The following AGAP1 variants were observed in gnomAD, a reference collection of about 807,000 sequenced individuals.
The protein encoded by AGAP1 is arf-GAP with GTPase, ANK repeat and PH domain-containing protein 1.
AGAP1 carries 29 observed loss-of-function variants against 105.3 expected under a neutral mutation model. The ratio of observed to expected loss-of-function variants is 0.28; its 90% CI spans 0.21 to 0.38. AGAP1 has a LOEUF of 0.38. AGAP1 is among the 10% of genes least tolerant of loss of function. The pLI is 1.00. For missense variants in AGAP1, 998 were observed against 1,165.1 expected, an observed-to-expected ratio of 0.86 and a Z score of 2.09; for synonymous variants, 509 against 485.9, an observed-to-expected ratio of 1.05 and a Z score of -0.63.
Position 236,051,982 on chromosome 2 carries a change from C to T in AGAP1, c.2114+2701C>T, listed in dbSNP as rs900213088. Among the ~76,000 whole-genome samples the T allele has an allele frequency of 1.3e-5, 2 of 152,144 alleles. No homozygotes were observed. Among genetic ancestry groups the T allele is most frequent in the Admixed American group, 6.5e-5 (1 of 15,286 alleles). On this transcript the variant is annotated intron_variant, in intron 16 of 17. Transcript: ENST00000304032. The surrounding 1 kb of genome is among the most constrained non-coding windows in gnomAD (Gnocchi z 5.9). ...AGTCGGGGCTGGAATCTCCGCAAGC[C>T]GGTCTGTCCATGACGTGAGAAGATT...
Position 235,744,620 on chromosome 2 carries a change from G to T in AGAP1, c.397-78G>T. On this transcript the variant is annotated intron_variant, in intron 4 of 17. Transcript: ENST00000304032. The surrounding 1 kb of genome is among the most constrained non-coding windows in gnomAD (Gnocchi z 5.2). ...GGATTCCTGCAGCCCCCTGCTGCCT[G>T]CCGCCATGCAGACATCTCTGTTCTT... is the stretch of plus-strand genomic sequence containing the variant. 2 of 1,569,408 alleles carry T rather than the reference G, an allele frequency of 1.3e-6. No homozygotes were observed. The highest frequency in any genetic ancestry group is 1.7e-6 in the Non-Finnish European group (2 of 1,146,982).
rs749327124 is a variant in AGAP1, at chr2:235,738,563, C to CTTTTTTT, written c.311-2394_311-2388dup. ...GTTATTTTTCTTTCTTTCTTTCTTT[C>CTTTTTTT]TTTTTTTTTTTTGAGACACAGTCTT... is the stretch of plus-strand genomic sequence containing the variant. On this transcript the variant is annotated intron_variant, in intron 3 of 17. Transcript: ENST00000304032. Among the ~76,000 whole-genome samples, 4 of 144,098 alleles carry CTTTTTTT rather than the reference C, an allele frequency of 2.8e-5. No individual in the cohort carries two copies. In the East Asian group the frequency reaches 8.0e-4, roughly 29 times the overall value. The allele number at this position is 144,098 out of a possible 152,430, so 94.5% of individuals were successfully genotyped here. A position where few individuals can be genotyped will look rare whatever the true frequency, so the allele number is the denominator to read the frequency against.
At chr2:235,914,115 GT>G (rs2051757518) in intron 11 of AGAP1, among the ~76,000 whole-genome samples, 1 of 152,058 alleles carries the variant, frequency 6.6e-6, no homozygotes, top group African/African-American at 2.4e-5. Context: ...TAATTTTTGT[GT>G]TTTCTATTAT....
In AGAP1 at chr2:235,714,233, C is replaced by G. The variant is rs1305310690; in HGVS notation, c.223-3324C>G. On this transcript the variant is annotated intron_variant, in intron 2 of 17. Coordinates refer to ENST00000304032, the MANE Select transcript of AGAP1 (RefSeq NM_001037131.3). This position sits in a 1 kb window ranked among gnomAD's most constrained non-coding sequence, Gnocchi z 4.1. ...GTTTCACCATGTTGGCCAGTCTGGT[C>G]TTGAACTCCTGACCTCAGGTGATCC... is the stretch of plus-strand genomic sequence containing the variant. 6.6e-6 allele frequency among the ~76,000 whole-genome samples: 1 copy of G among 151,968 alleles called. No individual in the cohort carries two copies. The highest frequency in any genetic ancestry group is 2.4e-5 in the African/African-American group (1 of 41,370).
chr2:235,513,306 A>G (rs1175878173), intron 1 of AGAP1, among the ~76,000 whole-genome samples: 1 of 152,024 alleles, frequency 6.6e-6, no homozygotes, highest in African/African-American at 2.4e-5. Flanking sequence ...AGATTGCTTG[A>G]AGTCAGGAGT....
intron 1 of AGAP1, among the ~76,000 whole-genome samples, chr2:235,606,320 ATC>A (rs1945937348): frequency 6.6e-6 from 1 of 152,196 alleles, no homozygotes; most frequent in African/African-American, 2.4e-5. Context: ...CCGATCATGT[ATC>A]TGTTTTTAAG....
chr2:235,586,083 T>C lies in AGAP1; in HGVS notation c.163+91234T>C, dbSNP rs1481065862. 1.3e-5 allele frequency among the ~76,000 whole-genome samples: 2 copies of C among 152,126 alleles called. No homozygotes were observed. Among genetic ancestry groups the C allele is most frequent in the Non-Finnish European group, 2.9e-5 (2 of 68,020 alleles). On this transcript the variant is annotated intron_variant, in intron 1 of 17. Coordinates refer to ENST00000304032, the MANE Select transcript of AGAP1 (RefSeq NM_001037131.3). The surrounding 1 kb of genome is among the most constrained non-coding windows in gnomAD (Gnocchi z 4.2). The stretch of plus-strand genomic sequence containing the variant: ...TTAGGAGCTTCATGAGCGAGTCAAA[T>C]GCAAGTTGGGGAAGTGGCTGAAAAA...
In AGAP1 at chr2:236,055,408, T is replaced by C. The variant is rs1220922803; in HGVS notation, c.2114+6127T>C. On this transcript the variant is annotated intron_variant, in intron 16 of 17. Coordinates refer to ENST00000304032, the MANE Select transcript of AGAP1 (RefSeq NM_001037131.3). This position sits in a 1 kb window ranked among gnomAD's most constrained non-coding sequence, Gnocchi z 6.2. ...GTTTGTGGAGGAAGCTGCTGTGCTC[T>C]GTGAGCCTCGTCTCTTCCAATATAA... Among the ~76,000 whole-genome samples, 1 of 152,270 alleles carries C rather than the reference T, an allele frequency of 6.6e-6. No individual in the cohort carries two copies. Among genetic ancestry groups the C allele is most frequent in the East Asian group, 1.9e-4 (1 of 5,206 alleles).
rs777917290 is a variant in AGAP1, at chr2:236,114,347, G to A, written c.2115-5845G>A. Among the ~76,000 whole-genome samples, 20 of 152,194 alleles carry A rather than the reference G, an allele frequency of 1.3e-4. No homozygotes were observed. Among genetic ancestry groups the A allele is most frequent in the Non-Finnish European group, 2.5e-4 (17 of 68,036 alleles). On this transcript the variant is annotated intron_variant, in intron 16 of 17. Transcript: ENST00000304032. This position sits in a 1 kb window ranked among gnomAD's most constrained non-coding sequence, Gnocchi z 5.0. ...CTTCTTAGGGCAAATGCCTCTAGAC[G>A]GAATAGTCTCATCGAGAAGAAGCCA...
intron 3 of AGAP1, chr2:235,718,472 C>T: frequency 1.2e-6 from 1 of 843,940 alleles, no homozygotes; most frequent in Non-Finnish European, 1.4e-6. Flanking sequence ...CTGTAGCGTT[C>T]CCTTCCCTCC....
intron 1 of AGAP1, among the ~76,000 whole-genome samples, chr2:235,521,734 T>TTTTGTG (rs562790524): frequency 1.4e-3 from 35 of 25,620 alleles, no homozygotes; most frequent in African/African-American, 5.2e-3. Context: ...TTTTTGTTTG[T>TTTTGTG]TATATATATG....
Position 235,596,806 on chromosome 2 carries a change from C to T in AGAP1, c.163+101957C>T, listed in dbSNP as rs1381497062. On this transcript the variant is annotated intron_variant, in intron 1 of 17. Coordinates refer to ENST00000304032, the MANE Select transcript of AGAP1 (RefSeq NM_001037131.3). This position sits in a 1 kb window ranked among gnomAD's most constrained non-coding sequence, Gnocchi z 5.9. The stretch of plus-strand genomic sequence containing the variant: ...TGTCGACTGAATTGTGTCCCTGCAA[C>T]CCCGTGTGATGGTATTAGGAGGTGG... 6.6e-6 allele frequency among the ~76,000 whole-genome samples: 1 copy of T among 152,142 alleles called. No individual in the cohort carries two copies. The highest frequency in any genetic ancestry group is 1.5e-5 in the Non-Finnish European group (1 of 68,030).
intron 1 of AGAP1, among the ~76,000 whole-genome samples, chr2:235,567,079 C>T (rs536889667): frequency 3.8e-4 from 58 of 152,322 alleles, no homozygotes; most frequent in African/African-American, 1.3e-3. Flanking sequence ...CCAGTACAAG[C>T]TTGAGCCTGG....
chr2:235,589,323 A>G (rs1945253777), intron 1 of AGAP1, among the ~76,000 whole-genome samples: 1 of 145,414 alleles, frequency 6.9e-6, no homozygotes, highest in Non-Finnish European at 1.5e-5. Context: ...CTCCTGCCTC[A>G]GCCTCCCAAG....
chr2:236,062,113 A>G lies in AGAP1; in HGVS notation c.2114+12832A>G, dbSNP rs895431587. 5.3e-5 allele frequency among the ~76,000 whole-genome samples: 8 copies of G among 152,080 alleles called. No homozygotes were observed. Among genetic ancestry groups the G allele is most frequent in the Admixed American group, 3.9e-4 (6 of 15,270 alleles). On this transcript the variant is annotated intron_variant, in intron 16 of 17. Transcript: ENST00000304032. This position sits in a 1 kb window ranked among gnomAD's most constrained non-coding sequence, Gnocchi z 4.2. ...TGCGGACGGCCCACAGGGGAGCGAGAGCAGGTGGAAGGTGGTGCCTATGTC... is the reference window on the plus strand; with the variant it reads ...TGCGGACGGCCCACAGGGGAGCGAGGGCAGGTGGAAGGTGGTGCCTATGTC...
intron 6 of AGAP1, among the ~76,000 whole-genome samples, chr2:235,766,480 AAC>A (rs1954964628): frequency 6.6e-6 from 1 of 152,212 alleles, no homozygotes; most frequent in Admixed American, 6.5e-5. Flanking sequence ...GATATAATAA[AAC>A]ACACTGGTTT....
Position 236,076,745 on chromosome 2 carries a change from A to G in AGAP1, c.2114+27464A>G, listed in dbSNP as rs2125818806. 6.6e-6 allele frequency among the ~76,000 whole-genome samples: 1 copy of G among 152,284 alleles called. No individual in the cohort carries two copies. Among genetic ancestry groups the G allele is most frequent in the East Asian group, 1.9e-4 (1 of 5,160 alleles). ...GCGCTATGAGCATACCTGGCAACAGACCACTTCCTAGAGAAATGCCTCCAG... is the reference window on the plus strand; with the variant it reads ...GCGCTATGAGCATACCTGGCAACAGGCCACTTCCTAGAGAAATGCCTCCAG... On this transcript the variant is annotated intron_variant, in intron 16 of 17. Coordinates refer to ENST00000304032, the MANE Select transcript of AGAP1 (RefSeq NM_001037131.3). This position sits in a 1 kb window ranked among gnomAD's most constrained non-coding sequence, Gnocchi z 4.4.
chr2:235,968,692 G>T (rs564735716), intron 13 of AGAP1, 69 bp downstream of exon 13: 2 of 1,502,526 alleles, frequency 1.3e-6, no homozygotes, highest in East Asian at 2.3e-5. Flanking sequence ...TTTCAAATGC[G>T]TGAAATTAGA....
rs1348474327 is a variant in AGAP1 at position 235,670,915 on chromosome 2, C to T, written c.164-38264C>T. The T allele has an allele frequency of 6.0e-6, 8 of 1,339,078 alleles. No homozygotes were observed. In the African/African-American group the frequency reaches 1.2e-4, roughly 21 times the overall value. 82.9% of individuals were successfully genotyped at this position (1,339,078 alleles called of 1,614,324 possible). A position where few individuals can be genotyped will look rare whatever the true frequency, so the allele number is the denominator to read the frequency against. On this transcript the variant is annotated intron_variant, in intron 1 of 17. Transcript: ENST00000304032. ...TGCTGCGCTTCTTCAGCGGCATCTT[C>T]GCGCGCAGGGACGGGGGCCCGGGCG...
Sources: allele counts gnomAD v4.1 joint callset (sites outside exome capture counted in the v4.1 genomes callset), GRCh38; gene constraint gnomAD v4.1.1; non-coding constraint Gnocchi (gnomAD v3.1); transcripts MANE v1.5; gene names NCBI Gene and HGNC (gene_info 2026-07-23, HGNC 2026-07-21).